Variants in IGSF21 observed in about 807,000 individuals in gnomAD.
IGSF21 encodes the protein immunoglobulin superfamily member 21.
Under a neutral mutation model 46.8 loss-of-function variants are expected in IGSF21, and 28 were observed. The ratio of observed to expected loss-of-function variants is 0.60; its 90% CI spans 0.44 to 0.82. The LOEUF is 0.82. Among genes scored for constraint, IGSF21 ranks in the 40% least tolerant of loss-of-function variants. The pLI, the probability that IGSF21 is intolerant of heterozygous loss-of-function variation, is 0.00. For synonymous variants in IGSF21, 284 were observed against 273.6 expected, an observed-to-expected ratio of 1.04 and a Z score of -0.38; for missense variants, 624 against 665.5, an observed-to-expected ratio of 0.94 and a Z score of 0.69.
At chr1:18,130,239 G>A (rs998819747) in intron 1 of IGSF21, among the ~76,000 whole-genome samples, 2 of 152,130 alleles carry the variant, frequency 1.3e-5, no homozygotes, top group Non-Finnish European at 2.9e-5. Context: ...GTGTGACAAG[G>A]GGCTTAGAAG....
chr1:18,207,271 G>A (rs2084338592), intron 1 of IGSF21, among the ~76,000 whole-genome samples: 1 of 152,184 alleles, frequency 6.6e-6, no homozygotes, highest in Non-Finnish European at 1.5e-5. Flanking sequence ...ACTTTTAAGG[G>A]CTCATGTGAT....
chr1:18,213,934 T>C (rs1423887972), intron 1 of IGSF21, among the ~76,000 whole-genome samples: 2 of 152,116 alleles, frequency 1.3e-5, no homozygotes, highest in Non-Finnish European at 2.9e-5. Context: ...GTCCTGCCCT[T>C]CTCTGGCCTC....
chr1:18,193,405 T>G (rs891706935), intron 1 of IGSF21, among the ~76,000 whole-genome samples: 4 of 152,028 alleles, frequency 2.6e-5, no homozygotes, highest in African/African-American at 9.7e-5. Context: ...AATATATATA[T>G]ATATATGAAT....
Position 18,374,406 on chromosome 1 carries a change from G to A in IGSF21, c.1016-1904G>A, listed in dbSNP as rs532464619. ...TGCCTGATGTTCCTAACGGCCCCGC[G>A]TGTTAGGCAAGGGGTATCATTGTTC... On this transcript the variant is annotated intron_variant, in intron 6 of 9. Transcript: ENST00000251296. Among the ~76,000 whole-genome samples the A allele has an allele frequency of 4.5e-4, 69 of 152,290 alleles. 1 individual carries two copies. Among genetic ancestry groups the A allele is most frequent in the African/African-American group, 1.6e-3 (67 of 41,574 alleles).
intron 1 of IGSF21, among the ~76,000 whole-genome samples, chr1:18,215,952 C>A (rs2084440206): frequency 6.6e-6 from 1 of 152,140 alleles, no homozygotes; most frequent in African/African-American, 2.4e-5. Context: ...CACTGAGCAC[C>A]CATCCTGTGT....
intron 1 of IGSF21, among the ~76,000 whole-genome samples, chr1:18,187,682 C>A (rs1219204349): frequency 6.6e-6 from 1 of 152,146 alleles, no homozygotes; most frequent in Admixed American, 6.5e-5. Context: ...CCATATCAGG[C>A]ACCACCCTCA....
chr1:18,349,028 G>C (rs910181726), intron 4 of IGSF21, among the ~76,000 whole-genome samples: 1 of 152,240 alleles, frequency 6.6e-6, no homozygotes, highest in African/African-American at 2.4e-5. Context: ...AGCACTGATT[G>C]AGTGCTCACT....
chr1:18,308,498 A>G (rs1193603061), intron 3 of IGSF21, among the ~76,000 whole-genome samples: 1 of 152,170 alleles, frequency 6.6e-6, no homozygotes, highest in Non-Finnish European at 1.5e-5. Flanking sequence ...CGGTTTAAAT[A>G]TCTTACATGG....
rs59704256 is a variant in IGSF21 at position 18,252,045 on chromosome 1, G to GTTTTT, written c.183+24054_183+24058dup. On this transcript the variant is annotated intron_variant, in intron 2 of 9. Transcript: ENST00000251296. ...GGCTGGAACACTTTCTGACCAAGGC[G>GTTTTT]TTTTTTTTTTTTTTTTTTTTTTTGA... Among the ~76,000 whole-genome samples, 696 of 72,036 alleles carry GTTTTT rather than the reference G, an allele frequency of 9.7e-3. 43 individuals are homozygous for GTTTTT. Among genetic ancestry groups the GTTTTT allele is most frequent in the Non-Finnish European group, 0.014 (552 of 39,514 alleles). The allele number at this position is 72,036 out of a possible 152,430, so 47.3% of individuals were successfully genotyped here.
In IGSF21 at chr1:18,285,574, C is replaced by T. The variant is rs139846072; in HGVS notation, c.184-6292C>T. 1.6e-3 allele frequency among the ~76,000 whole-genome samples: 237 copies of T among 152,298 alleles called. 3 individuals are homozygous for T. Among genetic ancestry groups the T allele is most frequent in the African/African-American group, 5.4e-3 (226 of 41,564 alleles). On this transcript the variant is annotated intron_variant, in intron 2 of 9. Coordinates refer to ENST00000251296, the MANE Select transcript of IGSF21 (RefSeq NM_032880.5). ...CTGGGTCCCAGAGAGAGGAACAGTG[C>T]AGAGACAACCTTTGGGACTTAGAAC...
chr1:18,317,801 G>A (rs933078409), intron 3 of IGSF21, among the ~76,000 whole-genome samples: 5 of 152,200 alleles, frequency 3.3e-5, no homozygotes, highest in African/African-American at 1.2e-4. Context: ...TACGGGGCAG[G>A]CACCGTCCTA....
At position 18,334,955 on chromosome 1, in the gene IGSF21, C is replaced by T. The variant is rs535086982; in HGVS notation, c.369C>T (p.Arg123=). 3.4e-4 allele frequency: 551 copies of T among 1,614,184 alleles called. 4 individuals carry two copies. In the South Asian group the frequency reaches 4.5e-3, roughly 13 times the overall value. The change falls in exon 4 of 10, where the codon CGC becomes CGT. Residue 123 remains arginine, a synonymous_variant. Coordinates refer to ENST00000251296, the MANE Select transcript of IGSF21 (RefSeq NM_032880.5). The surrounding 1 kb of genome is among the most constrained non-coding windows in gnomAD (Gnocchi z 4.3). ...AGTGCCATGTGGGCATCTACGACCGCGCCACCAGGGAGAAGGTGGTCCTGG... is the reference window on the plus strand; with the variant it reads ...AGTGCCATGTGGGCATCTACGACCGTGCCACCAGGGAGAAGGTGGTCCTGG... ...PYECHVGIYD[R]ATREKVVLAS... is the part of the protein sequence containing the mutation.
intron 4 of IGSF21, among the ~76,000 whole-genome samples, chr1:18,352,592 G>T (rs114210465): frequency 6.6e-6 from 1 of 152,128 alleles, no homozygotes; most frequent in Admixed American, 6.5e-5. Context: ...GTCTGTGGCC[G>T]CCCACCACCC....
chr1:18,273,181 C>A (rs2085060121), intron 2 of IGSF21, among the ~76,000 whole-genome samples: 1 of 151,312 alleles, frequency 6.6e-6, no homozygotes, highest in Admixed American at 6.6e-5. Context: ...GCTGGGATTA[C>A]AGGCACATGT....
At chr1:18,233,270 A>G (rs922029651) in intron 2 of IGSF21, among the ~76,000 whole-genome samples, 1 of 152,172 alleles carries the variant, frequency 6.6e-6, no homozygotes, top group Non-Finnish European at 1.5e-5. Flanking sequence ...ACCATGTGGG[A>G]AGATGCATAC....
In IGSF21 at chr1:18,266,031, A is replaced by G. The variant is rs544074691; in HGVS notation, c.184-25835A>G. Among the ~76,000 whole-genome samples, 4 of 152,322 alleles carry G rather than the reference A, an allele frequency of 2.6e-5. No homozygotes were observed. In the South Asian group the frequency reaches 8.3e-4, roughly 32 times the overall value. On this transcript the variant is annotated intron_variant, in intron 2 of 9. Transcript: ENST00000251296. ...CAGGGGCAAGGGGTTCTTTGCTATCAGAACGTGCAGATGAGGTGGGAATGC... is the reference window on the plus strand; with the variant it reads ...CAGGGGCAAGGGGTTCTTTGCTATCGGAACGTGCAGATGAGGTGGGAATGC...
intron 2 of IGSF21, among the ~76,000 whole-genome samples, chr1:18,243,987 G>A (rs144500333): frequency 1.4e-3 from 217 of 152,272 alleles, no homozygotes; most frequent in Non-Finnish European, 2.1e-3. Context: ...CCTCGTGGAG[G>A]GCCATGACAG....
intron 1 of IGSF21, among the ~76,000 whole-genome samples, chr1:18,130,357 G>A (rs1013917002): frequency 6.6e-6 from 1 of 152,198 alleles, no homozygotes; most frequent in Non-Finnish European, 1.5e-5. Context: ...AGACAGAAAC[G>A]GAGCAGTCAG....
chr1:18,331,343 A>G (rs536185440), intron 3 of IGSF21, among the ~76,000 whole-genome samples: 9 of 151,974 alleles, frequency 5.9e-5, no homozygotes, highest in African/African-American at 2.2e-4. Flanking sequence ...CCACTTATGC[A>G]TGAGAACATA....
Sources: gnomAD v4.1 joint callset for allele counts (sites outside exome capture counted in the v4.1 genomes callset) on GRCh38, gnomAD v4.1.1 for gene constraint, Gnocchi (gnomAD v3.1) non-coding constraint, MANE v1.5 for transcripts, NCBI Gene and HGNC (gene_info 2026-07-23, HGNC 2026-07-21) for gene names.